The following NRROS variants were observed in gnomAD, a reference collection of about 807,000 sequenced individuals.
NRROS encodes negative regulator of reactive oxygen species.
Under a neutral mutation model 12.0 loss-of-function variants are expected in NRROS, and 6 were observed. The observed-to-expected ratio is 0.50, with a 90% CI of 0.27 to 0.98. The LOEUF (loss-of-function observed/expected upper bound fraction) is 0.98. NRROS is among the 50% of genes least tolerant of loss of function. The probability of loss-of-function intolerance (pLI) is 0.11; values close to 1 mark genes in which losing one functional copy is unlikely to be tolerated. For missense variants in NRROS, 857 were observed against 888.2 expected, an observed-to-expected ratio of 0.96 and a Z score of 0.45; for synonymous variants, 462 against 410.2, an observed-to-expected ratio of 1.13 and a Z score of -1.53.
In NRROS at chr3:196,639,700, C is replaced by G. The variant is rs907481213; in HGVS notation, c.-189C>G. ...GTCTGAGTGAGCCTGTGCTGAGTCG[C>G]CGAGCAGCCCGCTCTCCATGTGACT... On this transcript the variant is annotated 5_prime_UTR_variant, in exon 1 of 3. Coordinates refer to ENST00000328557, the MANE Select transcript of NRROS (RefSeq NM_198565.3). 1 of 152,446 alleles carries G rather than the reference C, an allele frequency of 6.6e-6. No individual in the cohort carries two copies. Among genetic ancestry groups the G allele is most frequent in the Non-Finnish European group, 1.5e-5 (1 of 68,166 alleles). The allele number at this position is 152,446 out of a possible 1,614,324, so 9.4% of individuals were successfully genotyped here.
chr3:196,661,338 C>T lies in NRROS; in HGVS notation c.1695C>T (p.Leu565=). The T allele has an allele frequency of 6.3e-7, 1 of 1,589,088 alleles. No homozygotes were observed. Among genetic ancestry groups the T allele is most frequent in the African/African-American group, 1.3e-5 (1 of 74,308 alleles). ...GGSLALETLD[L]RRNSLTALPQ... ...GCCTGGCCCTGGAGACCCTGGATCT[C>T]CGTAGAAACTCGCTCACAGCCCTTC... Residue 565 remains leucine (L), a synonymous_variant, in exon 3 of 3, where the codon CTC becomes CTT. Coordinates refer to ENST00000328557, the MANE Select transcript of NRROS (RefSeq NM_198565.3).
Position 196,642,682 on chromosome 3 carries a change from C to T in NRROS, c.-14+2807C>T, listed in dbSNP as rs759691520. On this transcript the variant is annotated intron_variant, in intron 1 of 2. Coordinates refer to ENST00000328557, the MANE Select transcript of NRROS (RefSeq NM_198565.3). ...TGGAACCAGGAGCTGGGATCAGACC[C>T]GAACACACAGACTTTTGAAGAAAGG... Among the ~76,000 whole-genome samples, 3 of 152,122 alleles carry T rather than the reference C, an allele frequency of 2.0e-5. No individual in the cohort carries two copies. The South Asian group carries it at 6.2e-4, about 32-fold the overall frequency.
chr3:196,645,695 C>T (rs1298880113), intron 1 of NRROS, among the ~76,000 whole-genome samples: 3 of 152,220 alleles, frequency 2.0e-5, no homozygotes, highest in East Asian at 1.9e-4. Context: ...CTCAAGGAAA[C>T]CAAGTAGTCG....
chr3:196,652,701 C>G (rs534191113), intron 1 of NRROS, among the ~76,000 whole-genome samples: 1 of 152,200 alleles, frequency 6.6e-6, no homozygotes, highest in Non-Finnish European at 1.5e-5. Flanking sequence ...GAGTGTGACA[C>G]AAGGCCTGGC....
chr3:196,645,736 C>G (rs1329479392), intron 1 of NRROS, among the ~76,000 whole-genome samples: 1 of 152,130 alleles, frequency 6.6e-6, no homozygotes, highest in East Asian at 1.9e-4. Context: ...ATTGTTTTCC[C>G]ACTGGGGCCA....
At position 196,661,640 on chromosome 3, in the gene NRROS, C is replaced by T. The variant is rs943013017; in HGVS notation, c.1997C>T (p.Ala666Val). 1 of 1,610,952 alleles carries T rather than the reference C, an allele frequency of 6.2e-7. No individual in the cohort carries two copies. The highest frequency in any genetic ancestry group is 8.5e-7 in the Non-Finnish European group (1 of 1,179,904). The stretch of plus-strand genomic sequence containing the variant: ...CCCAGCTGCCTCACCCTGCTGGTGG[C>T]CTGCACTGTCATCGTCCTCACTTTT... ...ILPSCLTLLV[A>V]CTVIVLTFKK... The change falls in exon 3 of 3, where the codon GCC becomes GTC. Residue 666 changes from alanine (A) to valine (V), a missense_variant. By Grantham distance (64) the Ala-to-Val change is moderately conservative. Transcript: ENST00000328557.
chr3:196,649,772 A>G (rs957899115), intron 1 of NRROS, among the ~76,000 whole-genome samples: 3 of 151,996 alleles, frequency 2.0e-5, no homozygotes, highest in African/African-American at 4.8e-5. Context: ...GCCCGGCCAA[A>G]ATATTTGTTT....
At chr3:196,645,458 A>G (rs1737289639) in intron 1 of NRROS, among the ~76,000 whole-genome samples, 1 of 152,184 alleles carries the variant, frequency 6.6e-6, no homozygotes, top group Admixed American at 6.5e-5. Flanking sequence ...CAAGTGTGAA[A>G]TGGAGATGAC....
Position 196,650,304 on chromosome 3 carries a change from C to T in NRROS, c.-13-4223C>T, listed in dbSNP as rs147449391. Among the ~76,000 whole-genome samples, 28 of 152,272 alleles carry T rather than the reference C, an allele frequency of 1.8e-4. No individual in the cohort carries two copies. In the East Asian group the frequency reaches 5.0e-3, roughly 27 times the overall value. On this transcript the variant is annotated intron_variant, in intron 1 of 2. Coordinates refer to ENST00000328557, the MANE Select transcript of NRROS (RefSeq NM_198565.3). ...GATTACAGGCATCCGCCACCACGCC[C>T]AGCTAATTTTTGTATTTTTAGTAGA...
intron 2 of NRROS, among the ~76,000 whole-genome samples, chr3:196,656,848 G>C (rs1737545481): frequency 6.6e-6 from 1 of 152,128 alleles, no homozygotes; most frequent in Non-Finnish European, 1.5e-5. Context: ...TGAGGACTGA[G>C]AATTGGAGAG....
chr3:196,654,703 TC>T lies in NRROS; in HGVS notation c.108+58del. ...CTGCTCCTGTCCTGACAAGGCTTGG[TC>T]CATTTGGAAAGCTGACAGATTGTCC... On this transcript the variant is annotated intron_variant, in intron 2 of 2. Coordinates refer to ENST00000328557, the MANE Select transcript of NRROS (RefSeq NM_198565.3). The surrounding 1 kb of genome is among the most constrained non-coding windows in gnomAD (Gnocchi z 4.4). The T allele has an allele frequency of 9.0e-7, 1 of 1,116,884 alleles. No individual in the cohort carries two copies. Among genetic ancestry groups the T allele is most frequent in the Non-Finnish European group, 1.3e-6 (1 of 754,496 alleles). 69.2% of individuals were successfully genotyped at this position (1,116,884 alleles called of 1,614,324 possible). A position where few individuals can be genotyped will look rare whatever the true frequency, so the allele number is the denominator to read the frequency against.
chr3:196,659,026 T>C lies in NRROS; in HGVS notation c.109-726T>C, dbSNP rs140368447. On this transcript the variant is annotated intron_variant, in intron 2 of 2. Transcript: ENST00000328557. ...TCCTAGACACCTAAATAACATCCTA[T>C]GGCTGATGGTTGTTTTTGCCAATTT... 1.1e-4 allele frequency among the ~76,000 whole-genome samples: 17 copies of C among 152,300 alleles called. 1 individual carries two copies. The East Asian group carries it at 3.3e-3, about 29-fold the overall frequency.
chr3:196,660,156 G>A lies in NRROS; in HGVS notation c.513G>A (p.Arg171=). 1 of 1,613,022 alleles carries A rather than the reference G, an allele frequency of 6.2e-7. No homozygotes were observed. Among genetic ancestry groups the A allele is most frequent in the Non-Finnish European group, 8.5e-7 (1 of 1,180,000 alleles). ...SVSLAGNTIM[R]LDDSVFEGLE... ...CCCTGGCGGGGAACACCATCATGCG[G>A]CTGGACGACTCCGTCTTCGAGGGCC... Residue 171 remains arginine, a synonymous_variant, in exon 3 of 3, where the codon CGG becomes CGA. Transcript: ENST00000328557. The surrounding 1 kb of genome is among the most constrained non-coding windows in gnomAD (Gnocchi z 7.7).
chr3:196,659,165 T>A (rs1737606023), intron 2 of NRROS, among the ~76,000 whole-genome samples: 1 of 152,140 alleles, frequency 6.6e-6, no homozygotes, highest in South Asian at 2.1e-4. Context: ...GAGCCCTGTT[T>A]AGGAAAAGCA....
Position 196,661,696 on chromosome 3 carries a change from C to A in NRROS, c.2053C>A (p.Arg685Ser). Residue 685 changes from arginine to serine, a missense_variant, in exon 3 of 3, where the codon CGC (arginine) becomes AGC (serine). Arg to Ser is a moderately radical substitution (Grantham distance 110). Transcript: ENST00000328557. ...GCCTCTGCTTCAGGTCATCAAGAGC[C>A]GCTGCCACTGGTCCTCCGTTTACTG... ...KKPLLQVIKS[R>S]CHWSSVY is the part of the protein sequence containing the mutation. The A allele has an allele frequency of 6.3e-7, 1 of 1,594,976 alleles. No individual in the cohort carries two copies. The highest frequency in any genetic ancestry group is 8.5e-7 in the Non-Finnish European group (1 of 1,175,270).
chr3:196,660,004 T>C lies in NRROS; in HGVS notation c.361T>C (p.Tyr121His). ...VLGDNCLSEN[Y>H]EETAAALHAL... Reference sequence around the variant, plus strand: ...GGGGGACAACTGCCTCTCAGAGAACTACGAAGAGACGGCAGCCGCCCTCCA... The same window carrying C: ...GGGGGACAACTGCCTCTCAGAGAACCACGAAGAGACGGCAGCCGCCCTCCA... The change falls in exon 3 of 3, where the codon TAC becomes CAC. Residue 121 changes from tyrosine (Y) to histidine (H), a missense_variant. Tyr to His is a moderately conservative substitution (Grantham distance 83, BLOSUM62 2). Coordinates refer to ENST00000328557, the MANE Select transcript of NRROS (RefSeq NM_198565.3). The surrounding 1 kb of genome is among the most constrained non-coding windows in gnomAD (Gnocchi z 7.7). 6.2e-7 allele frequency: 1 copy of C among 1,613,614 alleles called. No homozygotes were observed. The highest frequency in any genetic ancestry group is 8.5e-7 in the Non-Finnish European group (1 of 1,179,930).
rs1324990860 is a variant in NRROS, at chr3:196,661,961, A to C, written c.*239A>C. ...AAAATATTTATTAAGTGACTTTTTC[A>C]GAAATAAAAGGCAACGTGTCTCATA... On this transcript the variant is annotated 3_prime_UTR_variant, in exon 3 of 3. Transcript: ENST00000328557. 2 of 369,012 alleles carry C rather than the reference A, an allele frequency of 5.4e-6. No homozygotes were observed. Among genetic ancestry groups the C allele is most frequent in the African/African-American group, 2.4e-5 (1 of 41,388 alleles). The allele number at this position is 369,012 out of a possible 1,614,324, so 22.9% of individuals were successfully genotyped here.
chr3:196,643,368 C>G (rs564442886), intron 1 of NRROS, among the ~76,000 whole-genome samples: 3 of 152,288 alleles, frequency 2.0e-5, no homozygotes, highest in African/African-American at 7.2e-5. Flanking sequence ...ATGGTCCTCA[C>G]CCACGAGGTG....
intron 1 of NRROS, among the ~76,000 whole-genome samples, chr3:196,644,067 G>C (rs1201375114): frequency 6.6e-6 from 1 of 152,170 alleles, no homozygotes; most frequent in African/African-American, 2.4e-5. Context: ...CTTGTTCTAG[G>C]TTATTGGGCC....
Sources: gnomAD v4.1 joint callset for allele counts (sites outside exome capture counted in the v4.1 genomes callset) on GRCh38, gnomAD v4.1.1 for gene constraint, Gnocchi (gnomAD v3.1) non-coding constraint, MANE v1.5 for transcripts, NCBI Gene and HGNC (gene_info 2026-07-23, HGNC 2026-07-21) for gene names.